Variants in TRHDE observed in about 807,000 individuals in gnomAD.
TRHDE encodes thyrotropin releasing hormone degrading enzyme.
In TRHDE, 72 loss-of-function variants were observed where a neutral mutation model predicts 125.7. The observed-to-expected ratio is 0.57, with a 90% CI of 0.47 to 0.70. The LOEUF is 0.70. Among genes scored for constraint, TRHDE ranks in the 30% least tolerant of loss-of-function variants. The pLI is 0.00. For missense variants in TRHDE, 1,110 were observed against 1,327.1 expected (o/e 0.84, Z 2.54); for synonymous variants, 509 against 509.1 (o/e 1.00, Z 0.00).
intron 9 of TRHDE, among the ~76,000 whole-genome samples, chr12:72,564,653 AT>A (rs538823843): frequency 1.7e-4 from 9 of 54,308 alleles, no homozygotes; most frequent in African/African-American, 4.0e-4. Flanking sequence ...ATGCGTATGA[AT>A]TTTTTTTTTT....
intron 2 of TRHDE, among the ~76,000 whole-genome samples, chr12:72,238,478 G>A (rs532989173): frequency 1.1e-4 from 17 of 149,726 alleles, no homozygotes; most frequent in Non-Finnish European, 2.4e-4. Context: ...GTGCCATGCT[G>A]GTTTGCTGCA....
At chr12:72,395,772 T>C (rs751094850) in intron 3 of TRHDE, among the ~76,000 whole-genome samples, 3 of 152,206 alleles carry the variant, frequency 2.0e-5, no homozygotes, top group Non-Finnish European at 4.4e-5. Context: ...GACTACATAG[T>C]AAAGTGAGCC....
At chr12:72,503,211 A>G (rs1489218557) in intron 6 of TRHDE, among the ~76,000 whole-genome samples, 1 of 152,146 alleles carries the variant, frequency 6.6e-6, no homozygotes, top group African/African-American at 2.4e-5. Flanking sequence ...CATTTATTAT[A>G]TAATTTAATT....
intron 3 of TRHDE, among the ~76,000 whole-genome samples, chr12:72,443,993 T>C (rs1029183114): frequency 3.3e-5 from 5 of 151,890 alleles, no homozygotes; most frequent in Admixed American, 1.3e-4. Flanking sequence ...GCCTGGAAGA[T>C]ATTGAATAGT....
intron 7 of TRHDE, among the ~76,000 whole-genome samples, chr12:72,548,427 T>C (rs1294065345): frequency 1.3e-5 from 2 of 151,776 alleles, no homozygotes; most frequent in African/African-American, 4.8e-5. Context: ...TTACTATTCA[T>C]CCATATACAA....
At chr12:72,119,551 C>T (rs933383546) in intron 2 of TRHDE, among the ~76,000 whole-genome samples, 2 of 152,034 alleles carry the variant, frequency 1.3e-5, no homozygotes, top group African/African-American at 2.4e-5. Context: ...CTATCAGGTC[C>T]GTTTGTTTTA....
At chr12:72,577,135 A>G (rs1871033437) in intron 12 of TRHDE, among the ~76,000 whole-genome samples, 2 of 152,170 alleles carry the variant, frequency 1.3e-5, no homozygotes, top group African/African-American at 4.8e-5. Context: ...CAGAAGGATA[A>G]TGTATTTAAT....
chr12:72,450,685 A>T (rs1203026361), intron 3 of TRHDE, among the ~76,000 whole-genome samples: 1 of 152,066 alleles, frequency 6.6e-6, no homozygotes. Context: ...ATCATATGAT[A>T]ATTCTATTTT....
At chr12:72,641,618 G>T (rs1267027097) in intron 15 of TRHDE, among the ~76,000 whole-genome samples, 1 of 152,048 alleles carries the variant, frequency 6.6e-6, no homozygotes, top group Non-Finnish European at 1.5e-5. Context: ...ATCATTGTCA[G>T]TTGCTATTTG....
intron 15 of TRHDE, among the ~76,000 whole-genome samples, chr12:72,632,020 A>G (rs1256930377): frequency 6.6e-6 from 1 of 151,942 alleles, no homozygotes; most frequent in Admixed American, 6.6e-5. Flanking sequence ...TTCTGTGAAG[A>G]ATACAAAAGA....
chr12:72,147,342 C>A (rs1876253149), intron 2 of TRHDE, among the ~76,000 whole-genome samples: 1 of 152,038 alleles, frequency 6.6e-6, no homozygotes, highest in Non-Finnish European at 1.5e-5. Flanking sequence ...CTTCAGGTTT[C>A]CTCTCATTTG....
chr12:72,531,762 T>A (rs1337286304), intron 6 of TRHDE, among the ~76,000 whole-genome samples: 2 of 152,098 alleles, frequency 1.3e-5, no homozygotes, highest in Non-Finnish European at 2.9e-5. Flanking sequence ...ACCATCTCTG[T>A]CAGCTATCAC....
At chr12:72,242,234 T>A (rs935737204) in intron 2 of TRHDE, among the ~76,000 whole-genome samples, 1 of 152,214 alleles carries the variant, frequency 6.6e-6, no homozygotes, top group Non-Finnish European at 1.5e-5. Context: ...TCTTTGAATT[T>A]GGTTATCAAA....
In TRHDE at chr12:72,294,669, G is replaced by A. The variant is rs190034921; in HGVS notation, c.1188+7715G>A. On this transcript the variant is annotated intron_variant, in intron 2 of 18. Coordinates refer to ENST00000261180, the MANE Select transcript of TRHDE (RefSeq NM_013381.3). ...CACAAGTCCCTACTCTGGTCTGTGGGATGGCAGCCTGTTCCCTGCTCACTG... is the reference window on the plus strand; with the variant it reads ...CACAAGTCCCTACTCTGGTCTGTGGAATGGCAGCCTGTTCCCTGCTCACTG... 1.4e-4 allele frequency among the ~76,000 whole-genome samples: 21 copies of A among 152,236 alleles called. 1 individual carries two copies. The highest frequency in any genetic ancestry group is 4.8e-4 in the African/African-American group (20 of 41,562).
intron 3 of TRHDE, among the ~76,000 whole-genome samples, chr12:72,421,078 A>G (rs1471572031): frequency 2.6e-5 from 4 of 151,852 alleles, no homozygotes; most frequent in Non-Finnish European, 5.9e-5. Flanking sequence ...GATTGGTATC[A>G]TTTCTATACC....
In TRHDE at chr12:72,438,290, C is replaced by T. The variant is rs991706334; in HGVS notation, c.1316-31468C>T. On this transcript the variant is annotated intron_variant, in intron 3 of 18. Transcript: ENST00000261180. ...TGATGTCATTTTCTTTGTATATTTA[C>T]CCCATAGTGGGATTCCTGGGTCATG... is the stretch of plus-strand genomic sequence containing the variant. Among the ~76,000 whole-genome samples the T allele has an allele frequency of 2.6e-5, 4 of 151,786 alleles. No individual in the cohort carries two copies. In the South Asian group the frequency reaches 6.2e-4, roughly 24 times the overall value.
chr12:72,572,807 G>A (rs1361360651), intron 10 of TRHDE, among the ~76,000 whole-genome samples: 1 of 151,858 alleles, frequency 6.6e-6, no homozygotes, highest in Non-Finnish European at 1.5e-5. Flanking sequence ...TCTATAAGTT[G>A]TTGAAATTAA....
intron 15 of TRHDE, among the ~76,000 whole-genome samples, chr12:72,626,280 C>T (rs1473980896): frequency 6.6e-6 from 1 of 151,854 alleles, no homozygotes; most frequent in African/African-American, 2.4e-5. Context: ...TATTACTAAC[C>T]ACACAGGTCA....
intron 13 of TRHDE, among the ~76,000 whole-genome samples, chr12:72,620,133 A>G (rs1334682802): frequency 6.6e-6 from 1 of 152,088 alleles, no homozygotes; most frequent in Non-Finnish European, 1.5e-5. Context: ...AAGACACTGC[A>G]ATATTAAACC....
Sources: gnomAD v4.1 joint callset for allele counts (sites outside exome capture counted in the v4.1 genomes callset) on GRCh38, gnomAD v4.1.1 for gene constraint, MANE v1.5 for transcripts, NCBI Gene and HGNC (gene_info 2026-07-23, HGNC 2026-07-21) for gene names.